ADGRL1: variants seen among roughly 807,000 people sequenced by gnomAD.
The protein encoded by ADGRL1 is adhesion G protein-coupled receptor L1.
A neutral mutation model predicts 148.9 loss-of-function variants in ADGRL1; 31 were observed. The ratio of observed to expected loss-of-function variants is 0.21; its 90% CI spans 0.16 to 0.28. The LOEUF is 0.28. ADGRL1 is among the 10% of genes least tolerant of loss of function. The pLI, the probability that ADGRL1 is intolerant of heterozygous loss-of-function variation, is 1.00. For synonymous variants in ADGRL1, 937 were observed against 900.3 expected, an observed-to-expected ratio of 1.04 and a Z score of -0.73; for missense variants, 1,521 against 2,058.8, an observed-to-expected ratio of 0.74 and a Z score of 5.05.
chr19:14,196,117 T>C (rs1314137134), intron 1 of ADGRL1, among the ~76,000 whole-genome samples: 1 of 152,134 alleles, frequency 6.6e-6, no homozygotes, highest in Non-Finnish European at 1.5e-5. Flanking sequence ...ACACCTCGTC[T>C]CCCTATCTAT....
chr19:14,200,169 G>C (rs994882715), intron 1 of ADGRL1, among the ~76,000 whole-genome samples: 1 of 152,200 alleles, frequency 6.6e-6, no homozygotes, highest in Non-Finnish European at 1.5e-5. Flanking sequence ...TCCTGGGCAG[G>C]GTCACAGCCC....
Position 14,183,642 on chromosome 19 carries a change from G to A in ADGRL1, c.-40C>T, listed in dbSNP as rs1207408477. On this transcript the variant is annotated 5_prime_UTR_variant, in exon 2 of 23. Coordinates refer to ENST00000361434, the MANE Select transcript of ADGRL1 (RefSeq NM_014921.5). ...GCGTGTCCGGAGCTCTCAGTGGCCT[G>A]TGCGGGGGGCTTTGCCCCACATCAC... 1 of 1,528,826 alleles carries A rather than the reference G, an allele frequency of 6.5e-7. No homozygotes were observed. The highest frequency in any genetic ancestry group is 1.2e-5 in the South Asian group (1 of 83,106). 94.7% of individuals were successfully genotyped at this position (1,528,826 alleles called of 1,614,324 possible).
chr19:14,171,416 AG>A (rs1187005239), intron 3 of ADGRL1: 1 of 152,630 alleles, frequency 6.6e-6, no homozygotes, highest in Non-Finnish European at 1.5e-5. Flanking sequence ...CATCATCCTC[AG>A]GGCTAAGAAG....
chr19:14,191,999 C>G (rs998187591), intron 1 of ADGRL1, among the ~76,000 whole-genome samples: 2 of 152,022 alleles, frequency 1.3e-5, no homozygotes, highest in East Asian at 3.9e-4. Flanking sequence ...GCGCCGGCCT[C>G]TCTCTTCTTA....
chr19:14,152,839 C>G lies in ADGRL1; in HGVS notation c.3368G>C (p.Gly1123Ala). 3 of 1,614,180 alleles carry G rather than the reference C, an allele frequency of 1.9e-6. No individual in the cohort carries two copies. The South Asian group carries it at 3.3e-5, about 18-fold the overall frequency. The change falls in exon 19 of 23, where the codon GGA becomes GCA. Residue 1123 changes from glycine (G) to alanine (A), a missense_variant. Physicochemically the swap from Gly to Ala is moderately conservative, Grantham distance 60 (BLOSUM62 0). Around this residue, in one of 8 missense-constraint regions of ADGRL1, gnomAD observed 185 missense variants for 251.7 expected, o/e 0.74. Coordinates refer to ENST00000361434, the MANE Select transcript of ADGRL1 (RefSeq NM_014921.5). The surrounding 1 kb of genome is among the most constrained non-coding windows in gnomAD (Gnocchi z 6.1). ...CIRSPPGGTH[G>A]SLKTSAMRSN... ...TCGCATGGCTGAGGTCTTGAGGGAT[C>G]CGTGAGTGCCCCCGGGTGGGGAGCG...
rs1162758723 is a variant in ADGRL1, at chr19:14,159,681, TCCC to T, written c.1839+51_1839+53del. On this transcript the variant is annotated intron_variant, in intron 9 of 22. Coordinates refer to ENST00000361434, the MANE Select transcript of ADGRL1 (RefSeq NM_014921.5). The surrounding 1 kb of genome is among the most constrained non-coding windows in gnomAD (Gnocchi z 6.0). Reference sequence around the variant, plus strand: ...CCCTCTTCTCAACCTCCACCCCTAATCCCCCCATCAGCTGGAGCCCACGGTCCT... The same window carrying T: ...CCCTCTTCTCAACCTCCACCCCTAATCCCATCAGCTGGAGCCCACGGTCCT... The T allele has an allele frequency of 5.5e-5, 88 of 1,602,518 alleles. No individual in the cohort carries two copies. In the Middle Eastern group the frequency reaches 8.3e-4, roughly 15 times the overall value.
chr19:14,151,697 G>A, intron 22 of ADGRL1, 82 bp from the exon 23 acceptor site: 1 of 1,351,816 alleles, frequency 7.4e-7, no homozygotes, highest in South Asian at 1.4e-5. Flanking sequence ...GGTCCATGTG[G>A]AGAAGTGGGC....
rs1376713455 is a variant in ADGRL1 at position 14,161,838 on chromosome 19, G to C, written c.1196-212C>G. 6.6e-6 allele frequency among the ~76,000 whole-genome samples: 1 copy of C among 152,162 alleles called. No homozygotes were observed. Among genetic ancestry groups the C allele is most frequent in the Non-Finnish European group, 1.5e-5 (1 of 68,032 alleles). On this transcript the variant is annotated intron_variant, in intron 5 of 22. Coordinates refer to ENST00000361434, the MANE Select transcript of ADGRL1 (RefSeq NM_014921.5). The surrounding 1 kb of genome is among the most constrained non-coding windows in gnomAD (Gnocchi z 4.4). ...CCATGGGCCCATATAAAGTAGCAAA[G>C]AGTGGTAAAAATCCACGATGTGTAC...
intron 2 of ADGRL1, among the ~76,000 whole-genome samples, chr19:14,179,732 C>T (rs1020981267): frequency 1.3e-5 from 2 of 151,206 alleles, no homozygotes; most frequent in African/African-American, 4.9e-5. Context: ...CATGGTGAAA[C>T]CCCCATCTCT....
intron 1 of ADGRL1, among the ~76,000 whole-genome samples, chr19:14,201,738 C>T (rs572525563): frequency 6.6e-6 from 1 of 152,110 alleles, no homozygotes; most frequent in Non-Finnish European, 1.5e-5. Flanking sequence ...CTTGAACGCA[C>T]ACTGTGGGCC....
chr19:14,198,141 G>A (rs1972381674), intron 1 of ADGRL1, among the ~76,000 whole-genome samples: 1 of 152,076 alleles, frequency 6.6e-6, no homozygotes, highest in African/African-American at 2.4e-5. Context: ...TGCAAGCAAG[G>A]GGAAGAGTGG....
chr19:14,182,524 A>G (rs1971269064), intron 2 of ADGRL1, among the ~76,000 whole-genome samples: 1 of 152,174 alleles, frequency 6.6e-6, no homozygotes, highest in Admixed American at 6.5e-5. Context: ...TGGGTACCCC[A>G]GGGGTATGGC....
In ADGRL1 at chr19:14,159,015, CAG is replaced by C; in HGVS notation, c.2149+73_2149+74del. The stretch of plus-strand genomic sequence containing the variant: ...GCACCGCTGCCCTCTACAAATGGCA[CAG>C]AGACGCTGGCACAGAGCTGGGGGGT... On this transcript the variant is annotated intron_variant, in intron 11 of 22. Coordinates refer to ENST00000361434, the MANE Select transcript of ADGRL1 (RefSeq NM_014921.5). The surrounding 1 kb of genome is among the most constrained non-coding windows in gnomAD (Gnocchi z 6.0). 1 of 1,578,482 alleles carries C rather than the reference CAG, an allele frequency of 6.3e-7. No individual in the cohort carries two copies. The highest frequency in any genetic ancestry group is 2.2e-5 in the East Asian group (1 of 44,576).
Position 14,162,162 on chromosome 19 carries a change from G to A in ADGRL1, c.1195+444C>T, listed in dbSNP as rs970940054. 3.9e-5 allele frequency among the ~76,000 whole-genome samples: 6 copies of A among 152,186 alleles called. No homozygotes were observed. The highest frequency in any genetic ancestry group is 1.3e-4 in the Admixed American group (2 of 15,290). ...AGAGCTAGCAGGGCAGCTAGGCGGGGCAAAAGAAGACTGCAGAGTTGCCCT... is the reference window on the plus strand; with the variant it reads ...AGAGCTAGCAGGGCAGCTAGGCGGGACAAAAGAAGACTGCAGAGTTGCCCT... On this transcript the variant is annotated intron_variant, in intron 5 of 22. Transcript: ENST00000361434. The surrounding 1 kb of genome is among the most constrained non-coding windows in gnomAD (Gnocchi z 5.4).
intron 3 of ADGRL1, among the ~76,000 whole-genome samples, chr19:14,176,463 A>G (rs373744969): frequency 1.3e-5 from 2 of 152,168 alleles, no homozygotes; most frequent in African/African-American, 4.8e-5. Flanking sequence ...CATTCACCCC[A>G]CACACAATCA....
chr19:14,204,732 G>C (rs1599536606), intron 1 of ADGRL1, among the ~76,000 whole-genome samples: 2 of 150,178 alleles, frequency 1.3e-5, no homozygotes, highest in Admixed American at 1.3e-4. Context: ...GAGAGAGAGA[G>C]AGAGAGAGAC....
chr19:14,163,292 T>A lies in ADGRL1; in HGVS notation c.509A>T (p.Tyr170Phe). The A allele has an allele frequency of 6.2e-7, 1 of 1,613,606 alleles. No individual in the cohort carries two copies. Among genetic ancestry groups the A allele is most frequent in the South Asian group, 1.1e-5 (1 of 91,084 alleles). Residue 170 changes from tyrosine to phenylalanine, a missense_variant, in exon 5 of 23, where the codon TAC (tyrosine) becomes TTC (phenylalanine). Tyr to Phe is a conservative substitution (Grantham distance 22). Around this residue, in one of 8 missense-constraint regions of ADGRL1, gnomAD observed 334 missense variants for 512.5 expected, o/e 0.65. Transcript: ENST00000361434. ...KDPLQAGDRI[Y>F]VMPWIPYRTD... ...GCGGTAGGGGATCCAGGGCATCACG[T>A]AGATGCGGTCACCCGCCTGCAGCGG...
At chr19:14,201,912 G>A (rs1972636944) in intron 1 of ADGRL1, among the ~76,000 whole-genome samples, 1 of 152,190 alleles carries the variant, frequency 6.6e-6, no homozygotes, top group African/African-American at 2.4e-5. Flanking sequence ...CATCAGGAGG[G>A]GTGTGGGAAG....
chr19:14,202,888 AC>A (rs1972708088), intron 1 of ADGRL1, among the ~76,000 whole-genome samples: 1 of 152,038 alleles, frequency 6.6e-6, no homozygotes, highest in South Asian at 2.1e-4. Context: ...TCTGATGGTC[AC>A]GTGGCCACAT....
Sources: allele counts gnomAD v4.1 joint callset (sites outside exome capture counted in the v4.1 genomes callset), GRCh38; gene constraint gnomAD v4.1.1; regional missense constraint gnomAD v4.1.1; non-coding constraint Gnocchi (gnomAD v3.1); transcripts MANE v1.5; gene names NCBI Gene and HGNC (gene_info 2026-07-23, HGNC 2026-07-21).